Variants in GALNT13 observed in about 807,000 individuals in gnomAD.
GALNT13 encodes the protein UDP-GalNAc:polypeptide N-acetylgalactosaminyltransferase 13.
GALNT13 carries 28 observed loss-of-function variants against 64.2 expected under a neutral mutation model. The ratio of observed to expected loss-of-function variants is 0.44; its 90% CI spans 0.32 to 0.60. The LOEUF (loss-of-function observed/expected upper bound fraction) is 0.60. GALNT13 is among the 20% of genes least tolerant of loss of function. The probability of loss-of-function intolerance (pLI) is 0.05; values close to 1 mark genes in which losing one functional copy is unlikely to be tolerated. For missense variants in GALNT13, 577 were observed against 669.8 expected (o/e 0.86, Z 1.53); for synonymous variants, 214 against 224.6 (o/e 0.95, Z 0.42).
At chr2:153,792,660 T>C in the GALNT13 span, among the ~76,000 whole-genome samples, 2 of 152,236 alleles carry the variant, frequency 1.3e-5, no homozygotes, top group Admixed American at 6.5e-5. Flanking sequence ...TAATAAATAC[T>C]TGTATGGGTA....
chr2:154,187,092 T>C (rs1686294236), intron 4 of GALNT13, among the ~76,000 whole-genome samples: 1 of 152,060 alleles, frequency 6.6e-6, no homozygotes, highest in East Asian at 1.9e-4. Context: ...GTGAGTTTAT[T>C]GCCCTATAGA....
At chr2:153,564,427 C>G in the GALNT13 span, among the ~76,000 whole-genome samples, 1 of 152,002 alleles carries the variant, frequency 6.6e-6, no homozygotes, top group African/African-American at 2.4e-5. Flanking sequence ...ACAAAATTTT[C>G]ATTATGAATT....
intron 1 of GALNT13, among the ~76,000 whole-genome samples, chr2:153,876,166 T>C (rs1220682728): frequency 2.6e-5 from 4 of 151,606 alleles, no homozygotes; most frequent in Admixed American, 6.6e-5. Context: ...TCTGACAACC[T>C]ATTTAATGAC....
the GALNT13 span, among the ~76,000 whole-genome samples, chr2:153,122,288 TGAA>T: frequency 1.1e-4 from 17 of 151,994 alleles, no homozygotes; most frequent in African/African-American, 4.1e-4. Flanking sequence ...GAACAAATGA[TGAA>T]GAAGAATTAT....
intron 9 of GALNT13, among the ~76,000 whole-genome samples, 182 bp downstream of exon 9, chr2:154,301,771 G>A (rs1693455260): frequency 6.6e-6 from 1 of 151,906 alleles, no homozygotes; most frequent in African/African-American, 2.4e-5. Context: ...AATAAGAACT[G>A]TATTTCAAAC....
At chr2:154,079,463 G>T (rs1211231273) in intron 3 of GALNT13, among the ~76,000 whole-genome samples, 1 of 151,554 alleles carries the variant, frequency 6.6e-6, no homozygotes, top group Non-Finnish European at 1.5e-5. Context: ...TTCAGAGCAG[G>T]ATGGAAGTTT....
chr2:154,162,985 T>A (rs1020512113), intron 4 of GALNT13, among the ~76,000 whole-genome samples: 12 of 150,986 alleles, frequency 7.9e-5, no homozygotes, highest in East Asian at 3.9e-4. Context: ...TTTTTTTTTT[T>A]ATATTTTTTA....
chr2:154,357,283 T>C (rs1371224951), intron 9 of GALNT13, among the ~76,000 whole-genome samples: 1 of 152,078 alleles, frequency 6.6e-6, no homozygotes, highest in East Asian at 1.9e-4. Context: ...GGGCAATATG[T>C]ATTCTAAGCT....
the GALNT13 span, among the ~76,000 whole-genome samples, chr2:153,540,090 C>T: frequency 6.6e-6 from 1 of 152,220 alleles, no homozygotes; most frequent in African/African-American, 2.4e-5. Flanking sequence ...GGCAGCCTCT[C>T]CCATCAGAGG....
chr2:154,393,620 C>G (rs567710685), intron 9 of GALNT13, among the ~76,000 whole-genome samples: 1 of 152,280 alleles, frequency 6.6e-6, no homozygotes, highest in East Asian at 1.9e-4. Context: ...GCATAATTAT[C>G]TAGGATTAGA....
intron 3 of GALNT13, among the ~76,000 whole-genome samples, chr2:154,058,191 C>T (rs1248853223): frequency 6.6e-6 from 1 of 152,060 alleles, no homozygotes; most frequent in African/African-American, 2.4e-5. Flanking sequence ...CTCTCTCAAC[C>T]ATGTGAGGAC....
the GALNT13 span, among the ~76,000 whole-genome samples, chr2:153,232,428 A>G: frequency 6.6e-6 from 1 of 152,220 alleles, no homozygotes; most frequent in Non-Finnish European, 1.5e-5. Flanking sequence ...AAATGCTACT[A>G]AAGTGAGTTT....
intron 1 of GALNT13, among the ~76,000 whole-genome samples, chr2:153,884,595 A>G (rs1254438600): frequency 1.3e-5 from 2 of 151,544 alleles, no homozygotes; most frequent in African/African-American, 2.4e-5. Flanking sequence ...AATAAACTCT[A>G]TAACATGTCA....
At chr2:153,686,160 A>AT in the GALNT13 span, among the ~76,000 whole-genome samples, 2 of 151,220 alleles carry the variant, frequency 1.3e-5, no homozygotes, top group East Asian at 1.9e-4. Flanking sequence ...TTTTAAAATG[A>AT]TTTTTTTTCT....
the GALNT13 span, among the ~76,000 whole-genome samples, chr2:153,663,610 A>T: frequency 5.9e-5 from 9 of 152,178 alleles, no homozygotes; most frequent in African/African-American, 2.2e-4. Context: ...ATTAAAGAAT[A>T]TCCCCACTCC....
At chr2:153,282,145 ATTCT>A in the GALNT13 span, among the ~76,000 whole-genome samples, 10 of 152,156 alleles carry the variant, frequency 6.6e-5, no homozygotes, top group Middle Eastern at 3.4e-3. Context: ...TGGGTTTAAA[ATTCT>A]TTCTTCTGCA....
chr2:153,223,868 G>C, the GALNT13 span, among the ~76,000 whole-genome samples: 1 of 152,120 alleles, frequency 6.6e-6, no homozygotes, highest in African/African-American at 2.4e-5. Context: ...TACTCAGGAG[G>C]CTGAGGCAGT....
At chr2:153,288,593 A>G in the GALNT13 span, among the ~76,000 whole-genome samples, 1 of 152,202 alleles carries the variant, frequency 6.6e-6, no homozygotes, top group Non-Finnish European at 1.5e-5. Flanking sequence ...TATGAGATCA[A>G]CTGTCATACT....
At chr2:154,198,466 T>G (rs904346155) in intron 4 of GALNT13, among the ~76,000 whole-genome samples, 1 of 152,046 alleles carries the variant, frequency 6.6e-6, no homozygotes, top group Non-Finnish European at 1.5e-5. Flanking sequence ...TGGCATTAGG[T>G]ACATTCATAA....
Sources: allele counts gnomAD v4.1 joint callset (sites outside exome capture counted in the v4.1 genomes callset), GRCh38; gene constraint gnomAD v4.1.1; transcripts MANE v1.5; gene names NCBI Gene and HGNC (gene_info 2026-07-23, HGNC 2026-07-21).